The following MALRD1 variants were observed in gnomAD, a reference collection of about 807,000 sequenced individuals.
The protein encoded by MALRD1 is MAM and LDL-receptor class A domain-containing protein 1.
MALRD1 carries 247 observed loss-of-function variants against 242.1 expected under a neutral mutation model. The observed-to-expected ratio is 1.02, with a 90% CI of 0.92 to 1.13. The LOEUF is 1.13. Ranked by LOEUF, MALRD1 falls within the 50% of genes most tolerant of loss-of-function variation. The pLI is 0.00. For synonymous variants in MALRD1, 995 were observed against 866.6 expected (o/e 1.15, Z -2.60); for missense variants, 2,989 against 2,533.1 (o/e 1.18, Z -3.86).
intron 24 of MALRD1, among the ~76,000 whole-genome samples, chr10:19,344,673 A>G (rs1486347801): frequency 1.3e-5 from 2 of 149,480 alleles, no homozygotes; most frequent in Non-Finnish European, 3.0e-5. Context: ...ATATATATCT[A>G]CAAGTTATGG....
intron 28 of MALRD1, among the ~76,000 whole-genome samples, chr10:19,431,853 C>T (rs547018500): frequency 2.0e-5 from 3 of 152,270 alleles, no homozygotes; most frequent in East Asian, 3.9e-4. Context: ...CAATGTGCCA[C>T]GGGACAGATA....
chr10:19,385,702 T>A (rs936496434), intron 26 of MALRD1, among the ~76,000 whole-genome samples: 5 of 152,072 alleles, frequency 3.3e-5, no homozygotes, highest in African/African-American at 4.8e-5. Flanking sequence ...TTATTGACAT[T>A]CTCTATGGTT....
intron 13 of MALRD1, among the ~76,000 whole-genome samples, chr10:19,171,857 T>A (rs1834986002): frequency 6.9e-6 from 1 of 144,820 alleles, no homozygotes; most frequent in Non-Finnish European, 1.5e-5. Context: ...CACATACATA[T>A]ATATACATAT....
chr10:19,719,626 C>T (rs1384511628), intron 38 of MALRD1, among the ~76,000 whole-genome samples: 1 of 151,964 alleles, frequency 6.6e-6, no homozygotes, highest in Non-Finnish European at 1.5e-5. Flanking sequence ...GTTTTATGAC[C>T]CTGGGTGATG....
intron 32 of MALRD1, among the ~76,000 whole-genome samples, chr10:19,558,724 T>C (rs942149234): frequency 6.6e-6 from 1 of 152,164 alleles, no homozygotes; most frequent in Non-Finnish European, 1.5e-5. Flanking sequence ...TCTGGTTTTG[T>C]ATTATGGTTT....
At chr10:19,581,809 T>G (rs1425259900) in intron 33 of MALRD1, among the ~76,000 whole-genome samples, 246 of 151,358 alleles carry the variant, frequency 1.6e-3, no homozygotes, top group Non-Finnish European at 2.7e-3. Flanking sequence ...ACTTCCACAA[T>G]GGTTGAACTA....
chr10:19,523,658 T>A (rs1339640447), intron 31 of MALRD1, among the ~76,000 whole-genome samples: 1 of 152,196 alleles, frequency 6.6e-6, no homozygotes, highest in Non-Finnish European at 1.5e-5. Context: ...TGTCTCTAGC[T>A]GTAACTTATA....
intron 36 of MALRD1, among the ~76,000 whole-genome samples, chr10:19,635,552 A>C (rs181145924): frequency 1.3e-5 from 2 of 152,174 alleles, no homozygotes; most frequent in African/African-American, 4.8e-5. Flanking sequence ...TTCACTCAGA[A>C]TGCAACACGG....
chr10:19,440,170 A>G (rs1589075989), intron 28 of MALRD1, among the ~76,000 whole-genome samples: 3 of 151,990 alleles, frequency 2.0e-5, no homozygotes, highest in African/African-American at 7.2e-5. Flanking sequence ...TTTTTCTGTC[A>G]TTTTCGCATT....
intron 34 of MALRD1, among the ~76,000 whole-genome samples, chr10:19,603,934 C>T (rs117906834): frequency 6.6e-6 from 1 of 152,156 alleles, no homozygotes; most frequent in Admixed American, 6.6e-5. Context: ...CCCTGTTTGT[C>T]TTTTCCTCTC....
intron 28 of MALRD1, 59 bp downstream of exon 28, chr10:19,389,668 C>G (rs921908553): frequency 2.7e-6 from 4 of 1,485,904 alleles, no homozygotes; most frequent in South Asian, 2.6e-5. Flanking sequence ...GAGACAGGGT[C>G]TTGCTCTGTC....
At chr10:19,574,493 C>T (rs1368012490) in intron 33 of MALRD1, among the ~76,000 whole-genome samples, 3 of 152,042 alleles carry the variant, frequency 2.0e-5, no homozygotes. Flanking sequence ...AAAGAGAGAT[C>T]GCGAACAAGA....
chr10:19,280,474 T>A (rs1840749570), intron 20 of MALRD1, among the ~76,000 whole-genome samples: 1 of 152,226 alleles, frequency 6.6e-6, no homozygotes, highest in Non-Finnish European at 1.5e-5. Context: ...TCACAAACTT[T>A]ACTTGACTCT....
At chr10:19,488,982 C>T (rs1474104118) in intron 29 of MALRD1, 2 of 442,212 alleles carry the variant, frequency 4.5e-6, no homozygotes, top group African/African-American at 2.0e-5. Context: ...AGAAGGCGGG[C>T]TCCCAATCCG....
chr10:19,072,081 A>C (rs116569168), intron 2 of MALRD1, among the ~76,000 whole-genome samples: 2,061 of 152,210 alleles, frequency 0.014, 35 homozygotes, highest in African/African-American at 0.048. Context: ...GTAACCAGCA[A>C]CCATTTTCTT....
intron 28 of MALRD1, among the ~76,000 whole-genome samples, chr10:19,422,165 C>A (rs749586961): frequency 7.9e-5 from 12 of 152,286 alleles, no homozygotes; most frequent in Non-Finnish European, 1.8e-4. Context: ...AAATCATGCT[C>A]TTTTCTAACC....
chr10:19,706,531 A>C (rs1213059124), intron 38 of MALRD1, among the ~76,000 whole-genome samples: 1 of 151,998 alleles, frequency 6.6e-6, no homozygotes, highest in African/African-American at 2.4e-5. Flanking sequence ...TTGTATTTTT[A>C]GTAGAGACAG....
At chr10:19,154,682 A>G (rs1226776826) in intron 11 of MALRD1, among the ~76,000 whole-genome samples, 1 of 152,208 alleles carries the variant, frequency 6.6e-6, no homozygotes, top group Non-Finnish European at 1.5e-5. Flanking sequence ...AATTCATTCC[A>G]TAAGCTCATA....
chr10:19,288,340 A>G (rs748642856), intron 21 of MALRD1, among the ~76,000 whole-genome samples: 2 of 152,048 alleles, frequency 1.3e-5, no homozygotes, highest in South Asian at 2.1e-4. Flanking sequence ...AAAATGTACC[A>G]TTATTATCGA....
Sources: gnomAD v4.1 joint callset for allele counts (sites outside exome capture counted in the v4.1 genomes callset) on GRCh38, gnomAD v4.1.1 for gene constraint, MANE v1.5 for transcripts, NCBI Gene and HGNC (gene_info 2026-07-23, HGNC 2026-07-21) for gene names.